Variants in EXOC3 observed in about 807,000 individuals in gnomAD.
The protein encoded by EXOC3 is exocyst complex component 3.
EXOC3 carries 21 observed loss-of-function variants against 73.7 expected under a neutral mutation model. That is an observed-to-expected ratio of 0.29 (90% CI 0.20 to 0.41). The LOEUF (loss-of-function observed/expected upper bound fraction) is 0.41, where lower values mean the gene tolerates loss of function less well. Ranked by LOEUF, EXOC3 falls within the 10% of genes least tolerant of loss-of-function variation. EXOC3 has a pLI of 1.00. For synonymous variants in EXOC3, 410 were observed against 389.1 expected (o/e 1.05, Z -0.63); for missense variants, 842 against 985.1 (o/e 0.85, Z 1.95).
intron 6 of EXOC3, among the ~76,000 whole-genome samples, chr5:458,691 C>CT (rs376227640): frequency 6.6e-6 from 1 of 152,198 alleles, no homozygotes; most frequent in Non-Finnish European, 1.5e-5. Flanking sequence ...TTTTCCTGCT[C>CT]TTTTTTTCTT....
Position 459,420 on chromosome 5 carries a change from T to C in EXOC3, c.1352T>C (p.Leu451Pro). 6.4e-7 allele frequency: 1 copy of C among 1,571,436 alleles called. No homozygotes were observed. Among genetic ancestry groups the C allele is most frequent in the East Asian group, 2.3e-5 (1 of 44,092 alleles). ...AGTGAAGATTTGAAAACAAAGGTACTAGTTTTATGTCTTCAGCAGATGAAT... is the reference window on the plus strand; with the variant it reads ...AGTGAAGATTTGAAAACAAAGGTACCAGTTTTATGTCTTCAGCAGATGAAT... ...QISEDLKTKV[L>P]VLCLQQMNSF... Residue 451 changes from leucine (L) to proline (P), a missense_variant, in exon 7 of 13, where the codon CTA becomes CCA. Coordinates refer to ENST00000512944, the MANE Select transcript of EXOC3 (RefSeq NM_007277.5).
intron 3 of EXOC3, among the ~76,000 whole-genome samples, chr5:451,928 A>G (rs1002093677): frequency 2.0e-5 from 3 of 152,174 alleles, no homozygotes; most frequent in African/African-American, 7.2e-5. Context: ...TCTGCTCATA[A>G]TCTTATTTTG....
intron 1 of EXOC3, among the ~76,000 whole-genome samples, chr5:445,669 T>G (rs759353545): frequency 1.3e-5 from 2 of 152,178 alleles, no homozygotes; most frequent in African/African-American, 2.4e-5. Context: ...TTGTCACTTT[T>G]ATAGGGTGGG....
intron 4 of EXOC3, among the ~76,000 whole-genome samples, chr5:455,603 C>T (rs915428252): frequency 1.3e-5 from 1 of 77,306 alleles, no homozygotes; most frequent in African/African-American, 6.4e-5. Context: ...TAGCATGAGG[C>T]GTGTGAGTTG....
intron 10 of EXOC3, 38 bp from the exon 11 acceptor site, chr5:465,073 G>T: frequency 6.6e-7 from 1 of 1,512,968 alleles, no homozygotes; most frequent in Non-Finnish European, 8.8e-7. Context: ...GGCCGCCAGA[G>T]CCGTGGAGCC....
chr5:447,781 C>T (rs1287461798), intron 3 of EXOC3, 29 bp downstream of exon 3: 1 of 1,464,116 alleles, frequency 6.8e-7, no homozygotes, highest in Admixed American at 2.1e-5. Flanking sequence ...GGCACTTGCC[C>T]CCACTCACGC....
intron 3 of EXOC3, among the ~76,000 whole-genome samples, chr5:448,972 C>T (rs932282155): frequency 1.3e-5 from 2 of 152,208 alleles, no homozygotes; most frequent in Non-Finnish European, 2.9e-5. Context: ...GTCCTCTCGA[C>T]GGAGTCTCCT....
At chr5:456,002 G>C (rs1356714306) in intron 4 of EXOC3, among the ~76,000 whole-genome samples, 2 of 152,352 alleles carry the variant, frequency 1.3e-5, no homozygotes, top group South Asian at 4.1e-4. Flanking sequence ...TCTTGCGGAT[G>C]CGTTTTTATC....
At chr5:466,672 G>C in intron 12 of EXOC3, 55 bp from the exon 13 acceptor site, 1 of 1,544,916 alleles carries the variant, frequency 6.5e-7, no homozygotes, top group South Asian at 1.2e-5. Context: ...CCCTGGCAGC[G>C]TGGTGCATCA....
At chr5:444,122 G>C (rs964356926) in intron 1 of EXOC3, among the ~76,000 whole-genome samples, 10 of 152,248 alleles carry the variant, frequency 6.6e-5, no homozygotes, top group African/African-American at 2.4e-4. Flanking sequence ...CCGCAGTAGG[G>C]TGTCCCCCCG....
intron 5 of EXOC3, 90 bp from the exon 6 acceptor site, chr5:457,810 C>T (rs1369855583): frequency 4.3e-6 from 6 of 1,382,670 alleles, no homozygotes; most frequent in Middle Eastern, 1.8e-4. Flanking sequence ...GTTTGTGGAG[C>T]TTGTGCATGC....
chr5:444,493 G>A (rs1052636193), intron 1 of EXOC3, among the ~76,000 whole-genome samples: 1 of 152,206 alleles, frequency 6.6e-6, no homozygotes, highest in Non-Finnish European at 1.5e-5. Flanking sequence ...CACTTCTTGG[G>A]TTATTATCCA....
Position 467,040 on chromosome 5 carries a change from G to T in EXOC3, c.*142G>T, listed in dbSNP as rs141623690. On this transcript the variant is annotated 3_prime_UTR_variant, in exon 13 of 13. Transcript: ENST00000512944. ...TTTAGGTGCCAGTGTGATGCACCGG[G>T]TGTGCGTCGAGTGAGCGTCCCGAGG... is the stretch of plus-strand genomic sequence containing the variant. 9.2e-6 allele frequency: 8 copies of T among 864,982 alleles called. No individual in the cohort carries two copies. The highest frequency in any genetic ancestry group is 1.2e-5 in the Non-Finnish European group (7 of 570,348). 53.6% of individuals were successfully genotyped at this position (864,982 alleles called of 1,614,324 possible).
At position 462,065 on chromosome 5, in the gene EXOC3, C is replaced by T. The variant is rs749591372; in HGVS notation, c.1497C>T (p.Thr499=). The T allele has an allele frequency of 6.2e-7, 1 of 1,610,666 alleles. No homozygotes were observed. Among genetic ancestry groups the T allele is most frequent in the African/African-American group, 1.3e-5 (1 of 74,996 alleles). ...YMIAIINNCQ[T]FKESIVSLKR... is the part of the protein sequence containing the mutation. ...TCGCCATCATCAACAACTGCCAGAC[C>T]TTCAAGTGAGTGTGGCCGGGCGCTG... The change falls in exon 8 of 13, where the codon ACC becomes ACT. Residue 499 remains threonine, a synonymous_variant. Coordinates refer to ENST00000512944, the MANE Select transcript of EXOC3 (RefSeq NM_007277.5).
At position 457,583 on chromosome 5, in the gene EXOC3, G is replaced by A. The variant is rs1361289122; in HGVS notation, c.1165-317G>A. ...GGAACAGGCCTGACCGGACCTGGTC[G>A]GCCTCATTCTCTGTGCACCTGGGAT... On this transcript the variant is annotated intron_variant, in intron 5 of 12. Coordinates refer to ENST00000512944, the MANE Select transcript of EXOC3 (RefSeq NM_007277.5). 3.2e-5 allele frequency: 9 copies of A among 281,052 alleles called. 1 individual carries two copies. In the East Asian group the frequency reaches 6.0e-4, roughly 19 times the overall value. The allele number at this position is 281,052 out of a possible 1,614,324, so 17.4% of individuals were successfully genotyped here.
intron 5 of EXOC3, chr5:457,294 C>T: frequency 4.8e-6 from 2 of 420,170 alleles, no homozygotes; most frequent in East Asian, 9.2e-5. Context: ...CCGTGTGTGG[C>T]AGCACCTGCC....
At chr5:443,329 G>A (rs1212086447) in intron 1 of EXOC3, 39 bp downstream of exon 1, 1 of 150,778 alleles carries the variant, frequency 6.6e-6, no homozygotes, top group East Asian at 1.9e-4. Context: ...GCGGGTCCTT[G>A]GGAGGTGGTC....
Position 464,754 on chromosome 5 carries a change from T to C in EXOC3, c.1776+342T>C, listed in dbSNP as rs1293236296. 6 of 413,594 alleles carry C rather than the reference T, an allele frequency of 1.5e-5. No individual in the cohort carries two copies. The Admixed American group carries it at 2.4e-4, about 17-fold the overall frequency. The allele number at this position is 413,594 out of a possible 1,614,324, so 25.6% of individuals were successfully genotyped here. A position where few individuals can be genotyped will look rare whatever the true frequency, so the allele number is the denominator to read the frequency against. On this transcript the variant is annotated intron_variant, in intron 10 of 12. Transcript: ENST00000512944. ...CCTTCCTGCAGGACCCAGGTTCCTC[T>C]TTCCTCCAAAGTGCCTGCCGCGTTT... is the stretch of plus-strand genomic sequence containing the variant.
At position 453,767 on chromosome 5, in the gene EXOC3, G is replaced by T; in HGVS notation, c.762G>T (p.Arg254Ser). 6.2e-7 allele frequency: 1 copy of T among 1,613,976 alleles called. No individual in the cohort carries two copies. Among genetic ancestry groups the T allele is most frequent in the Non-Finnish European group, 8.5e-7 (1 of 1,179,890 alleles). Reference sequence around the variant, plus strand: ...AGAAAATGTTCACCATCTTGGAGAGGACTGTGACCACCAGAATTGAGGGCA... The same window carrying T: ...AGAAAATGTTCACCATCTTGGAGAGTACTGTGACCACCAGAATTGAGGGCA... The part of the protein sequence containing the change: ...WKEKMFTILE[R>S]TVTTRIEGTQ... The change falls in exon 4 of 13, where the codon AGG becomes AGT. Residue 254 changes from arginine (R) to serine (S), a missense_variant. Transcript: ENST00000512944.
Sources: allele counts gnomAD v4.1 joint callset (sites outside exome capture counted in the v4.1 genomes callset), GRCh38; gene constraint gnomAD v4.1.1; transcripts MANE v1.5; gene names NCBI Gene and HGNC (gene_info 2026-07-23, HGNC 2026-07-21).